Variants in COG5 observed in about 807,000 individuals in gnomAD.
The protein encoded by COG5 is component of oligomeric golgi complex 5.
A neutral mutation model predicts 110.4 loss-of-function variants in COG5; 86 were observed. The ratio of observed to expected loss-of-function variants is 0.78; its 90% CI spans 0.65 to 0.93. The LOEUF (loss-of-function observed/expected upper bound fraction) is 0.93, where lower values mean the gene tolerates loss of function less well. Among genes scored for constraint, COG5 ranks in the 40% least tolerant of loss-of-function variants. The pLI, the probability that COG5 is intolerant of heterozygous loss-of-function variation, is 0.00. For missense variants in COG5, 1,077 were observed against 987.0 expected (o/e 1.09, Z -1.22); for synonymous variants, 360 against 334.6 (o/e 1.08, Z -0.83).
At chr7:107,515,168 T>C (rs933977029) in intron 6 of COG5, among the ~76,000 whole-genome samples, 4 of 152,218 alleles carry the variant, frequency 2.6e-5, no homozygotes, top group Non-Finnish European at 5.9e-5. Flanking sequence ...GGTTACTTTA[T>C]GGGAAATTTT....
chr7:107,288,759 G>T (rs113320363), intron 12 of COG5, among the ~76,000 whole-genome samples: 12 of 151,438 alleles, frequency 7.9e-5, no homozygotes, highest in Non-Finnish European at 1.6e-4. Flanking sequence ...GTAATCCTTT[G>T]AAGCAGCAAA....
chr7:107,298,244 T>C lies in COG5; in HGVS notation c.1211A>G (p.Gln404Arg), dbSNP rs189560910. ...KRLQQYSQHIQGNFNASGTTD... is the reference protein window; with the variant it reads ...KRLQQYSQHIRGNFNASGTTD... ...AGTTCCACTTGCATTAAAATTCCCTTGGATATGCTGACTGTATTGTTGAAG... is the reference window on the plus strand; with the variant it reads ...AGTTCCACTTGCATTAAAATTCCCTCGGATATGCTGACTGTATTGTTGAAG... The change falls in exon 12 of 22, where the codon CAA becomes CGA. Residue 404 changes from glutamine (Q) to arginine (R), a missense_variant. Coordinates refer to ENST00000297135, the MANE Select transcript of COG5 (RefSeq NM_006348.5). 4.4e-4 allele frequency: 716 copies of C among 1,613,510 alleles called. 2 individuals are homozygous for C. The highest frequency in any genetic ancestry group is 9.5e-4 in the Admixed American group (57 of 60,020).
intron 12 of COG5, among the ~76,000 whole-genome samples, chr7:107,291,173 G>A (rs1806140342): frequency 6.6e-6 from 1 of 151,998 alleles, no homozygotes; most frequent in African/African-American, 2.4e-5. Context: ...TCTCCTTGTG[G>A]TATTCCTATA....
chr7:107,214,243 A>G (rs1799364659), intron 19 of COG5, among the ~76,000 whole-genome samples: 2 of 152,250 alleles, frequency 1.3e-5, no homozygotes. Flanking sequence ...AATTGAGAGC[A>G]GCAAGAAATA....
chr7:107,221,760 G>A lies in COG5; in HGVS notation c.2168+8855C>T, dbSNP rs192324210. 7.5e-3 allele frequency among the ~76,000 whole-genome samples: 1,042 copies of A among 138,806 alleles called. 11 individuals carry two copies. The highest frequency in any genetic ancestry group is 0.025 in the African/African-American group (898 of 36,334). 91.1% of individuals were successfully genotyped at this position (138,806 alleles called of 152,430 possible). On this transcript the variant is annotated intron_variant, in intron 19 of 21. Coordinates refer to ENST00000297135, the MANE Select transcript of COG5 (RefSeq NM_006348.5). ...AGCCTGGGTGACAGAGTGAGACTCC[G>A]TCTCAAAAAAAAAAAAAAAAAGAGA...
At chr7:107,213,104 T>C (rs1407073095) in intron 19 of COG5, among the ~76,000 whole-genome samples, 1 of 138,244 alleles carries the variant, frequency 7.2e-6, no homozygotes, top group East Asian at 2.2e-4. Context: ...TAGCTCTGTG[T>C]TGCTGCCAGC....
chr7:107,265,878 G>A (rs563477443), intron 14 of COG5, among the ~76,000 whole-genome samples: 1 of 152,120 alleles, frequency 6.6e-6, no homozygotes, highest in East Asian at 1.9e-4. Flanking sequence ...AACATAGTGA[G>A]ACCCTGTCTC....
intron 19 of COG5, among the ~76,000 whole-genome samples, chr7:107,218,053 T>C (rs1287742509): frequency 6.6e-6 from 1 of 151,998 alleles, no homozygotes; most frequent in Non-Finnish European, 1.5e-5. Context: ...TAACAATGAA[T>C]GATCTGAAAA....
intron 14 of COG5, among the ~76,000 whole-genome samples, chr7:107,267,306 T>G (rs538289580): frequency 2.0e-5 from 3 of 152,308 alleles, no homozygotes; most frequent in East Asian, 1.9e-4. Flanking sequence ...CACAATTTGC[T>G]AAGAATGAAT....
chr7:107,490,074 T>A (rs915318843), intron 6 of COG5, among the ~76,000 whole-genome samples: 2 of 152,212 alleles, frequency 1.3e-5, no homozygotes, highest in Non-Finnish European at 2.9e-5. Flanking sequence ...ATGATGTAGT[T>A]ATTTTTTAAA....
intron 6 of COG5, among the ~76,000 whole-genome samples, chr7:107,481,947 T>C (rs1351838360): frequency 1.3e-5 from 2 of 152,084 alleles, no homozygotes; most frequent in Non-Finnish European, 2.9e-5. Context: ...AAGTAAATAT[T>C]AGTGGAATTG....
chr7:107,243,511 CAAAAAAA>C (rs759045963), intron 17 of COG5, among the ~76,000 whole-genome samples: 1 of 78,566 alleles, frequency 1.3e-5, no homozygotes, highest in African/African-American at 5.1e-5. Context: ...GACTCCATCT[CAAAAAAA>C]AAAAAAAAAA....
intron 10 of COG5, among the ~76,000 whole-genome samples, chr7:107,332,438 T>C (rs1358916988): frequency 6.6e-6 from 1 of 152,186 alleles, no homozygotes; most frequent in African/African-American, 2.4e-5. Flanking sequence ...TTCACTGTCC[T>C]ATACTTGGGT....
intron 5 of COG5, among the ~76,000 whole-genome samples, chr7:107,539,349 A>C (rs1801814724): frequency 6.6e-6 from 1 of 152,210 alleles, no homozygotes; most frequent in African/African-American, 2.4e-5. Flanking sequence ...TGCAGTTTCC[A>C]AGAACCTATC....
intron 12 of COG5, among the ~76,000 whole-genome samples, chr7:107,294,715 T>C (rs1304473393): frequency 2.0e-5 from 1 of 50,478 alleles, no homozygotes; most frequent in South Asian, 3.9e-4. Flanking sequence ...TTTTCTTTCT[T>C]TTTTTTTTTT....
intron 6 of COG5, among the ~76,000 whole-genome samples, chr7:107,495,585 GA>G (rs200958904): frequency 6.0e-5 from 9 of 150,494 alleles, no homozygotes; most frequent in East Asian, 1.9e-4. Flanking sequence ...GCATGAAAAG[GA>G]AAAAAAAAGT....
intron 12 of COG5, among the ~76,000 whole-genome samples, chr7:107,286,231 A>G (rs1423518789): frequency 2.0e-5 from 3 of 152,210 alleles, no homozygotes; most frequent in Non-Finnish European, 2.9e-5. Flanking sequence ...AGGGTAGTAC[A>G]AGATAATATC....
intron 17 of COG5, among the ~76,000 whole-genome samples, chr7:107,240,823 AC>A (rs145513254): frequency 0.013 from 2,008 of 152,344 alleles, 53 homozygotes; most frequent in African/African-American, 0.045. Flanking sequence ...TGGGGGCAAT[AC>A]TTTAAATAAA....
intron 6 of COG5, among the ~76,000 whole-genome samples, chr7:107,516,618 C>G (rs1054059062): frequency 3.3e-5 from 5 of 152,198 alleles, no homozygotes; most frequent in Non-Finnish European, 1.5e-5. Flanking sequence ...AGAGCTCCAG[C>G]TGGCATCAGG....
Sources: gnomAD v4.1 joint callset for allele counts (sites outside exome capture counted in the v4.1 genomes callset) on GRCh38, gnomAD v4.1.1 for gene constraint, MANE v1.5 for transcripts, NCBI Gene and HGNC (gene_info 2026-07-23, HGNC 2026-07-21) for gene names.